SLC4A10: variants seen among roughly 807,000 people sequenced by gnomAD.
SLC4A10 encodes solute carrier family 4 member 10.
In SLC4A10, 42 loss-of-function variants were observed where a neutral mutation model predicts 137.7. That is an observed-to-expected ratio of 0.30 (90% CI 0.24 to 0.39). The LOEUF (loss-of-function observed/expected upper bound fraction) is 0.39. Ranked by LOEUF, SLC4A10 falls within the 10% of genes least tolerant of loss-of-function variation. The probability of loss-of-function intolerance (pLI) is 1.00; values close to 1 mark genes in which losing one functional copy is unlikely to be tolerated. For missense variants in SLC4A10, 925 were observed against 1,355.0 expected (o/e 0.68, Z 4.98); for synonymous variants, 474 against 464.1 (o/e 1.02, Z -0.27).
At chr2:161,916,132 T>C (rs1687070407) in intron 15 of SLC4A10, among the ~76,000 whole-genome samples, 1 of 152,206 alleles carries the variant, frequency 6.6e-6, no homozygotes, top group African/African-American at 2.4e-5. Context: ...TTTCAGTTTT[T>C]AAGCCAGCCA....
intron 1 of SLC4A10, among the ~76,000 whole-genome samples, chr2:161,685,479 A>AG (rs1342607806): frequency 2.0e-5 from 3 of 152,096 alleles, no homozygotes; most frequent in Non-Finnish European, 2.9e-5. Context: ...ATGGTGGCAC[A>AG]CACCTGTGGT....
At chr2:161,969,777 G>A (rs1349682278) in intron 23 of SLC4A10, among the ~76,000 whole-genome samples, 1 of 152,122 alleles carries the variant, frequency 6.6e-6, no homozygotes. Flanking sequence ...CAAGAAAAAA[G>A]CAATCTAAAA....
intron 1 of SLC4A10, among the ~76,000 whole-genome samples, chr2:161,740,430 G>A (rs183931942): frequency 2.3e-4 from 35 of 152,262 alleles, no homozygotes; most frequent in Non-Finnish European, 4.1e-4. Flanking sequence ...ATTCCCATTA[G>A]AGTATTTCTC....
chr2:161,757,994 C>T (rs1244948966), intron 1 of SLC4A10, among the ~76,000 whole-genome samples: 2 of 151,924 alleles, frequency 1.3e-5, no homozygotes, highest in East Asian at 3.9e-4. Context: ...TTTTTACTCA[C>T]CCATTTTCTA....
intron 3 of SLC4A10, among the ~76,000 whole-genome samples, chr2:161,828,188 C>A (rs1470864822): frequency 6.6e-6 from 1 of 152,278 alleles, no homozygotes; most frequent in Non-Finnish European, 1.5e-5. Context: ...ACAAAGCCTG[C>A]GCATTTGGAC....
intron 1 of SLC4A10, among the ~76,000 whole-genome samples, chr2:161,693,788 C>G (rs879301951): frequency 2.7e-5 from 4 of 150,464 alleles, no homozygotes; most frequent in Non-Finnish European, 4.4e-5. Flanking sequence ...CATGTTGTCT[C>G]AAATGGCAGT....
chr2:161,741,283 A>G (rs1468857264), intron 1 of SLC4A10, among the ~76,000 whole-genome samples: 1 of 149,466 alleles, frequency 6.7e-6, no homozygotes, highest in Non-Finnish European at 1.5e-5. Flanking sequence ...AAAAGCACCT[A>G]TCCACTACAG....
At chr2:161,787,401 G>A (rs1490256917) in intron 2 of SLC4A10, among the ~76,000 whole-genome samples, 1 of 151,986 alleles carries the variant, frequency 6.6e-6, no homozygotes, top group African/African-American at 2.4e-5. Context: ...ATGCCTTGAT[G>A]ATGTTCATCT....
intron 15 of SLC4A10, among the ~76,000 whole-genome samples, chr2:161,938,292 G>T (rs561564219): frequency 2.6e-5 from 4 of 151,848 alleles, no homozygotes; most frequent in East Asian, 1.9e-4. Flanking sequence ...ATTAATTAAT[G>T]AATTAATTAA....
chr2:161,743,208 G>A (rs2048089707), intron 1 of SLC4A10, among the ~76,000 whole-genome samples: 1 of 152,122 alleles, frequency 6.6e-6, no homozygotes, highest in Admixed American at 6.5e-5. Flanking sequence ...TGATGTCCTG[G>A]AGAGTTTCCA....
intron 1 of SLC4A10, among the ~76,000 whole-genome samples, chr2:161,719,052 C>G (rs1035786369): frequency 1.2e-4 from 19 of 152,044 alleles, no homozygotes; most frequent in African/African-American, 3.4e-4. Context: ...ATCCTTCCCC[C>G]CTCCCCTCAC....
chr2:161,670,766 C>G (rs2039606181), intron 1 of SLC4A10, among the ~76,000 whole-genome samples: 1 of 152,020 alleles, frequency 6.6e-6, no homozygotes, highest in Non-Finnish European at 1.5e-5. Flanking sequence ...TACTTTTTCT[C>G]ACATAATTCT....
intron 1 of SLC4A10, among the ~76,000 whole-genome samples, chr2:161,695,486 C>T (rs2042395149): frequency 6.6e-6 from 1 of 152,074 alleles, no homozygotes; most frequent in African/African-American, 2.4e-5. Context: ...TGGTCATCTT[C>T]TCAATCTAAA....
intron 2 of SLC4A10, among the ~76,000 whole-genome samples, chr2:161,774,089 T>C (rs950338919): frequency 3.3e-5 from 5 of 151,830 alleles, no homozygotes; most frequent in Non-Finnish European, 7.4e-5. Context: ...TACTTCTGTT[T>C]CCTGCAATAA....
intron 26 of SLC4A10, among the ~76,000 whole-genome samples, chr2:161,980,097 G>A (rs1184237787): frequency 4.6e-5 from 7 of 152,316 alleles, no homozygotes; most frequent in Admixed American, 1.3e-4. Context: ...CGACCACATT[G>A]CATCAGAATA....
At chr2:161,833,070 A>G (rs952010983) in intron 3 of SLC4A10, among the ~76,000 whole-genome samples, 1 of 152,218 alleles carries the variant, frequency 6.6e-6, no homozygotes, top group African/African-American at 2.4e-5. Context: ...CAACAATTTT[A>G]GAGATACATA....
chr2:161,704,187 T>C (rs950459495), intron 1 of SLC4A10, among the ~76,000 whole-genome samples: 8 of 151,722 alleles, frequency 5.3e-5, no homozygotes, highest in African/African-American at 1.9e-4. Context: ...AATTATGTCA[T>C]ACAATTTTTT....
At position 161,932,858 on chromosome 2, in the gene SLC4A10, T is replaced by C. The variant is rs566284530; in HGVS notation, c.1998-9934T>C. On this transcript the variant is annotated intron_variant, in intron 15 of 26. Coordinates refer to ENST00000446997, the MANE Select transcript of SLC4A10 (RefSeq NM_001178015.2). ...TGGAGCTACAGTTGCTCTAGATGTG[T>C]CTAGGTCTGATCTTTTCTCCCCATA... 4.6e-5 allele frequency among the ~76,000 whole-genome samples: 7 copies of C among 152,178 alleles called. No individual in the cohort carries two copies. The South Asian group carries it at 6.3e-4, about 14-fold the overall frequency.
In SLC4A10 at chr2:161,859,276, T is replaced by TTTTTCTTTTCTTTTCTTTTC. The variant is rs139631187; in HGVS notation, c.578-3593_578-3574dup. 8.5e-3 allele frequency among the ~76,000 whole-genome samples: 1,231 copies of TTTTTCTTTTCTTTTCTTTTC among 144,516 alleles called. 13 individuals are homozygous for TTTTTCTTTTCTTTTCTTTTC. The highest frequency in any genetic ancestry group is 0.044 in the South Asian group (202 of 4,630). 94.8% of individuals were successfully genotyped at this position (144,516 alleles called of 152,430 possible). On this transcript the variant is annotated intron_variant, in intron 5 of 26. Transcript: ENST00000446997. ...GGCCTTTTTCCACAAGTGCTACTAG[T>TTTTTCTTTTCTTTTCTTTTC]TTTTCTTTTCTTTTCTTTTCTTTTT...
Sources: allele counts gnomAD v4.1 joint callset (sites outside exome capture counted in the v4.1 genomes callset), GRCh38; gene constraint gnomAD v4.1.1; transcripts MANE v1.5; gene names NCBI Gene and HGNC (gene_info 2026-07-23, HGNC 2026-07-21).